SEC23A: variants seen among roughly 807,000 people sequenced by gnomAD.
SEC23A encodes the protein protein transport protein Sec23A.
Under a neutral mutation model 103.7 loss-of-function variants are expected in SEC23A, and 56 were observed. The observed-to-expected ratio is 0.54, with a 90% CI of 0.44 to 0.67. The LOEUF is 0.67. SEC23A is among the 30% of genes least tolerant of loss of function. The pLI is 0.00. For synonymous variants in SEC23A, 281 were observed against 293.0 expected, an observed-to-expected ratio of 0.96 and a Z score of 0.42; for missense variants, 784 against 936.4, an observed-to-expected ratio of 0.84 and a Z score of 2.12.
At position 39,059,365 on chromosome 14, in the gene SEC23A, G is replaced by A. The variant is rs565272965; in HGVS notation, c.1505+2400C>T. 2.2e-3 allele frequency among the ~76,000 whole-genome samples: 315 copies of A among 141,422 alleles called. 1 individual carries two copies. Among genetic ancestry groups the A allele is most frequent in the South Asian group, 3.7e-3 (16 of 4,380 alleles). The allele number at this position is 141,422 out of a possible 152,430, so 92.8% of individuals were successfully genotyped here. On this transcript the variant is annotated intron_variant, in intron 13 of 19. Coordinates refer to ENST00000307712, the MANE Select transcript of SEC23A (RefSeq NM_006364.4). ...TTGGGATAAGTTAACTTGAAAAGAC[G>A]GATGCTTTTGGTAAGACACAATGCT...
intron 13 of SEC23A, among the ~76,000 whole-genome samples, chr14:39,055,699 A>G (rs1886221842): frequency 6.6e-6 from 1 of 152,250 alleles, no homozygotes; most frequent in Non-Finnish European, 1.5e-5. Context: ...GGCAAAGCCC[A>G]GACCCAGGCA....
chr14:39,058,396 T>C (rs962959237), intron 13 of SEC23A, among the ~76,000 whole-genome samples: 1 of 152,072 alleles, frequency 6.6e-6, no homozygotes, highest in Admixed American at 6.5e-5. Context: ...CAAGCTCCGC[T>C]TCCCGGGTTC....
At chr14:39,085,216 T>A (rs1223971729) in intron 7 of SEC23A, among the ~76,000 whole-genome samples, 1 of 152,106 alleles carries the variant, frequency 6.6e-6, no homozygotes, top group East Asian at 1.9e-4. Flanking sequence ...TCCTGGAGGG[T>A]GGTGCCCCAG....
intron 7 of SEC23A, among the ~76,000 whole-genome samples, chr14:39,078,594 T>C (rs1307841112): frequency 6.6e-6 from 1 of 152,176 alleles, no homozygotes; most frequent in African/African-American, 2.4e-5. Flanking sequence ...AGAAGGGTCT[T>C]TGCATGAAAA....
At chr14:39,094,969 A>G in intron 2 of SEC23A, 1 of 698,166 alleles carries the variant, frequency 1.4e-6, no homozygotes, top group Admixed American at 2.1e-5. Flanking sequence ...GATGTTCATC[A>G]TCTGATTTTC....
chr14:39,092,395 A>T, intron 4 of SEC23A, 146 bp downstream of exon 4: 1 of 620,364 alleles, frequency 1.6e-6, no homozygotes, highest in Non-Finnish European at 2.9e-6. Flanking sequence ...ACCCTGCTCA[A>T]ACTGACCTCA....
rs180944782 is a variant in SEC23A, at chr14:39,060,702, C to T, written c.1505+1063G>A. 2.0e-4 allele frequency among the ~76,000 whole-genome samples: 30 copies of T among 152,256 alleles called. No individual in the cohort carries two copies. In the East Asian group the frequency reaches 4.8e-3, roughly 24 times the overall value. The stretch of plus-strand genomic sequence containing the variant: ...CAAAGTAGCAGAGAAATAATTTATT[C>T]GTAATTCTTAATAAAAAGAAAGGTA... On this transcript the variant is annotated intron_variant, in intron 13 of 19. Coordinates refer to ENST00000307712, the MANE Select transcript of SEC23A (RefSeq NM_006364.4).
intron 9 of SEC23A, 67 bp from the exon 10 acceptor site, chr14:39,067,363 G>A: frequency 6.4e-7 from 1 of 1,570,098 alleles, no homozygotes; most frequent in East Asian, 2.3e-5. Flanking sequence ...TAAAATCGTA[G>A]AAGAAAATTA....
In SEC23A at chr14:39,074,650, G is replaced by A. The variant is rs1886954283; in HGVS notation, c.988-120C>T. 1.5e-5 allele frequency: 10 copies of A among 649,462 alleles called. No homozygotes were observed. The South Asian group carries it at 1.6e-4, about 10-fold the overall frequency. The allele number at this position is 649,462 out of a possible 1,614,324, so 40.2% of individuals were successfully genotyped here. A position where few individuals can be genotyped will look rare whatever the true frequency, so the allele number is the denominator to read the frequency against. ...TAACTCATAATTTAAATTATGATTAGTTATTTAACTTTCTGTAATGTTAAT... is the reference window on the plus strand; with the variant it reads ...TAACTCATAATTTAAATTATGATTAATTATTTAACTTTCTGTAATGTTAAT... On this transcript the variant is annotated intron_variant, in intron 8 of 19. Coordinates refer to ENST00000307712, the MANE Select transcript of SEC23A (RefSeq NM_006364.4).
chr14:39,059,310 A>AAAAAAAAAAAAAAAAG (rs10693539), intron 13 of SEC23A, among the ~76,000 whole-genome samples: 1 of 105,724 alleles, frequency 9.5e-6, no homozygotes, highest in Non-Finnish European at 2.0e-5. Flanking sequence ...AAAAAAAAAA[A>AAAAAAAAAAAAAAAAG]CAACAAGGTG....
intron 2 of SEC23A, chr14:39,095,071 C>T (rs1051342308): frequency 2.9e-6 from 2 of 678,682 alleles, no homozygotes; most frequent in Non-Finnish European, 5.3e-6. Context: ...TTGAAATTGC[C>T]CAGGAAAAAG....
rs559728559 is a variant in SEC23A, at chr14:39,058,201, A to G, written c.1506-2905T>C. The stretch of plus-strand genomic sequence containing the variant: ...ATAGACTTCCTGAAAATAAGTGCTG[A>G]ACCACTTTTACATGTAAGAGTGATG... On this transcript the variant is annotated intron_variant, in intron 13 of 19. Coordinates refer to ENST00000307712, the MANE Select transcript of SEC23A (RefSeq NM_006364.4). 3.0e-4 allele frequency among the ~76,000 whole-genome samples: 46 copies of G among 152,282 alleles called. 1 individual carries two copies. The South Asian group carries it at 9.3e-3, about 31-fold the overall frequency.
chr14:39,084,763 G>C (rs570772144), intron 7 of SEC23A, among the ~76,000 whole-genome samples: 87 of 152,252 alleles, frequency 5.7e-4, no homozygotes, highest in African/African-American at 1.8e-3. Flanking sequence ...TCCGCCTCTT[G>C]GGTTCAAGCA....
intron 2 of SEC23A, among the ~76,000 whole-genome samples, chr14:39,094,337 CATATATATGCATATAT>C (rs1887778843): frequency 1.6e-5 from 1 of 61,698 alleles, no homozygotes; most frequent in African/African-American, 6.9e-5. Context: ...CACATATACA[CATATATATGCATATAT>C]ACACATATAC....
intron 14 of SEC23A, among the ~76,000 whole-genome samples, chr14:39,049,517 C>T (rs1350332115): frequency 6.6e-6 from 1 of 151,698 alleles, no homozygotes; most frequent in Non-Finnish European, 1.5e-5. Flanking sequence ...TGACTCATGC[C>T]TATAATTCAA....
At chr14:39,086,218 A>C (rs923349657) in intron 6 of SEC23A, among the ~76,000 whole-genome samples, 1 of 152,224 alleles carries the variant, frequency 6.6e-6, no homozygotes, top group South Asian at 2.1e-4. Context: ...ACAATAAACG[A>C]AACACTCAAA....
At chr14:39,098,578 C>T (rs918938327) in intron 1 of SEC23A, among the ~76,000 whole-genome samples, 1 of 152,012 alleles carries the variant, frequency 6.6e-6, no homozygotes, top group Non-Finnish European at 1.5e-5. Flanking sequence ...AGTTCAAGAC[C>T]AGCCTGGCCA....
Position 39,048,696 on chromosome 14 carries a change from G to T in SEC23A, c.1693C>A (p.Pro565Thr). Residue 565 changes from proline to threonine, a missense_variant, in exon 15 of 20, where the codon CCA becomes ACA. By Grantham distance (38) the Pro-to-Thr change is conservative. Transcript: ENST00000307712. The stretch of plus-strand genomic sequence containing the variant: ...GTTTCTGAAAATCTGAAGGAACTTG[G>T]GTCATCTTTATGATATTCTCCAAAT... ...QKFGEYHKDDPSSFRFSETFS... is the reference protein window; with the variant it reads ...QKFGEYHKDDTSSFRFSETFS... 1 of 1,593,288 alleles carries T rather than the reference G, an allele frequency of 6.3e-7. No homozygotes were observed. Among genetic ancestry groups the T allele is most frequent in the Non-Finnish European group, 8.6e-7 (1 of 1,161,350 alleles).
At chr14:39,101,636 A>C (rs995382158) in intron 1 of SEC23A, among the ~76,000 whole-genome samples, 5 of 151,848 alleles carry the variant, frequency 3.3e-5, no homozygotes, top group Admixed American at 6.6e-5. Context: ...AAAAAAAAAA[A>C]CAAAAAAGAC....
Sources: gnomAD v4.1 joint callset for allele counts (sites outside exome capture counted in the v4.1 genomes callset) on GRCh38, gnomAD v4.1.1 for gene constraint, MANE v1.5 for transcripts, NCBI Gene and HGNC (gene_info 2026-07-23, HGNC 2026-07-21) for gene names.